The following COL23A1 variants were observed in gnomAD, a reference collection of about 807,000 sequenced individuals.
The protein encoded by COL23A1 is collagen alpha-1(XXIII) chain.
Under a neutral mutation model 99.3 loss-of-function variants are expected in COL23A1, and 97 were observed. That is an observed-to-expected ratio of 0.98 (90% confidence interval 0.83 to 1.16). The LOEUF is 1.16. Ranked by LOEUF, COL23A1 falls within the 50% of genes most tolerant of loss-of-function variation. The pLI, the probability that COL23A1 is intolerant of heterozygous loss-of-function variation, is 0.00. For synonymous variants in COL23A1, 320 were observed against 308.2 expected, an observed-to-expected ratio of 1.04 and a Z score of -0.40; for missense variants, 762 against 757.4, an observed-to-expected ratio of 1.01 and a Z score of -0.07.
chr5:178,252,420 G>T (rs918305842), intron 17 of COL23A1, 124 bp downstream of exon 17: 6 of 820,348 alleles, frequency 7.3e-6, no homozygotes, highest in South Asian at 6.1e-5. Flanking sequence ...CGTTCTCTGA[G>T]CTCCCGGAAG....
intron 5 of COL23A1, among the ~76,000 whole-genome samples, chr5:178,287,840 C>A (rs995975428): frequency 1.1e-4 from 17 of 152,246 alleles, no homozygotes; most frequent in Admixed American, 1.1e-3. Flanking sequence ...TTGGCCGGGG[C>A]TAGGACATCT....
chr5:178,252,041 G>A (rs906964150), intron 17 of COL23A1, among the ~76,000 whole-genome samples: 3 of 151,748 alleles, frequency 2.0e-5, no homozygotes, highest in Admixed American at 2.0e-4. Flanking sequence ...AGCCTCTCAA[G>A]TAGCTGGGAT....
Position 178,439,730 on chromosome 5 carries a change from T to C in COL23A1, c.361+120952A>G, listed in dbSNP as rs1370052645. The C allele has an allele frequency of 6.6e-6, 1 of 152,102 alleles. No individual in the cohort carries two copies. Among genetic ancestry groups the C allele is most frequent in the African/African-American group, 2.4e-5 (1 of 41,418 alleles). The allele number at this position is 152,102 out of a possible 1,614,324, so 9.4% of individuals were successfully genotyped here. On this transcript the variant is annotated intron_variant, in intron 2 of 28. Coordinates refer to ENST00000390654, the MANE Select transcript of COL23A1 (RefSeq NM_173465.4). The surrounding 1 kb of genome is among the most constrained non-coding windows in gnomAD (Gnocchi z 4.2). ...TCCCCGGGAGAAATGAAAACATACG[T>C]CCATACAACTCAGATGCAAATGCTC... is the stretch of plus-strand genomic sequence containing the variant.
chr5:178,565,984 C>A (rs755049229), intron 1 of COL23A1, among the ~76,000 whole-genome samples: 1 of 151,548 alleles, frequency 6.6e-6, no homozygotes, highest in Non-Finnish European at 1.5e-5. Context: ...AAAAATTAGC[C>A]GGGCGTAGTG....
At chr5:178,418,063 G>A (rs1179421558) in intron 2 of COL23A1, among the ~76,000 whole-genome samples, 1 of 152,230 alleles carries the variant, frequency 6.6e-6, no homozygotes, top group African/African-American at 2.4e-5. Context: ...CCCAGTGTCT[G>A]GAGGACTTGG....
At position 178,324,343 on chromosome 5, in the gene COL23A1, T is replaced by C. The variant is rs577286092; in HGVS notation, c.362-17424A>G. ...ATATTATTTTCTCTTTTACGAAATA[T>C]TTCCAGCCTCATGTGCTTTTCACCG... is the stretch of plus-strand genomic sequence containing the variant. On this transcript the variant is annotated intron_variant, in intron 2 of 28. Coordinates refer to ENST00000390654, the MANE Select transcript of COL23A1 (RefSeq NM_173465.4). Among the ~76,000 whole-genome samples, 3 of 152,324 alleles carry C rather than the reference T, an allele frequency of 2.0e-5. No individual in the cohort carries two copies. The East Asian group carries it at 5.8e-4, about 29-fold the overall frequency.
chr5:178,257,003 C>CG, intron 13 of COL23A1, 75 bp from the exon 14 acceptor site: 3 of 1,427,366 alleles, frequency 2.1e-6, no homozygotes, highest in Admixed American at 1.9e-5. Flanking sequence ...GGGCGTGCCT[C>CG]GGGGTTGCCT....
chr5:178,445,277 A>G (rs1767095290), intron 2 of COL23A1, among the ~76,000 whole-genome samples: 1 of 152,132 alleles, frequency 6.6e-6, no homozygotes, highest in Admixed American at 6.5e-5. Context: ...ATTATTTTTT[A>G]TACTGGGGTC....
In COL23A1 at chr5:178,590,005, C is replaced by G; in HGVS notation, c.193G>C (p.Val65Leu). 1 of 1,355,568 alleles carries G rather than the reference C, an allele frequency of 7.4e-7. No homozygotes were observed. Among genetic ancestry groups the G allele is most frequent in the Non-Finnish European group, 9.5e-7 (1 of 1,055,814 alleles). 84.0% of individuals were successfully genotyped at this position (1,355,568 alleles called of 1,614,324 possible). ...GVQAAALQGR[V>L]AALEEERELL... ...TCCCGCTCCTCCTCGAGCGCCGCCA[C>G]CCGGCCCTGCAGCGCGGCCGCCTGG... The change falls in exon 1 of 29, where the codon GTG becomes CTG. Residue 65 changes from valine (V) to leucine (L), a missense_variant. By Grantham distance (32) the Val-to-Leu change is conservative. Transcript: ENST00000390654. This position sits in a 1 kb window ranked among gnomAD's most constrained non-coding sequence, Gnocchi z 5.7.
Position 178,434,576 on chromosome 5 carries a change from C to T in COL23A1, c.361+126106G>A, listed in dbSNP as rs1478884748. On this transcript the variant is annotated intron_variant, in intron 2 of 28. Transcript: ENST00000390654. The surrounding 1 kb of genome is among the most constrained non-coding windows in gnomAD (Gnocchi z 4.3). ...GGCCTTCCCTGGGGCCTTCCACTGG[C>T]GCTCTTCCTGGGACCCCAGCTGGGC... is the stretch of plus-strand genomic sequence containing the variant. Among the ~76,000 whole-genome samples the T allele has an allele frequency of 1.3e-5, 2 of 152,250 alleles. No homozygotes were observed. Among genetic ancestry groups the T allele is most frequent in the Non-Finnish European group, 2.9e-5 (2 of 68,044 alleles).
In COL23A1 at chr5:178,430,750, G is replaced by A. The variant is rs1002953658; in HGVS notation, c.362-123831C>T. Reference sequence around the variant, plus strand: ...AATCCATTTGCTTGATTCAACACTAGTCACATTTTCTGAGTGCTGTGTCCC... The same window carrying A: ...AATCCATTTGCTTGATTCAACACTAATCACATTTTCTGAGTGCTGTGTCCC... On this transcript the variant is annotated intron_variant, in intron 2 of 28. Coordinates refer to ENST00000390654, the MANE Select transcript of COL23A1 (RefSeq NM_173465.4). 1.1e-4 allele frequency among the ~76,000 whole-genome samples: 16 copies of A among 152,162 alleles called. 1 individual carries two copies. The highest frequency in any genetic ancestry group is 5.2e-4 in the Admixed American group (8 of 15,288).
intron 2 of COL23A1, among the ~76,000 whole-genome samples, chr5:178,477,310 A>G (rs1207972360): frequency 6.6e-6 from 1 of 152,130 alleles, no homozygotes; most frequent in Non-Finnish European, 1.5e-5. Flanking sequence ...GGGTTTGGGG[A>G]AGGCATCAAC....
chr5:178,454,680 C>G (rs1767670116), intron 2 of COL23A1, among the ~76,000 whole-genome samples: 1 of 152,252 alleles, frequency 6.6e-6, no homozygotes. Context: ...CACAAGATAA[C>G]CACAGGCCCC....
chr5:178,459,578 G>A (rs13179262), intron 2 of COL23A1, among the ~76,000 whole-genome samples: 67,991 of 151,982 alleles, frequency 0.45, 16,176 homozygotes, highest in Admixed American at 0.58. Flanking sequence ...CCTGGACAAC[G>A]TGGTGAAACC....
At chr5:178,538,384 GA>G (rs1425319507) in intron 2 of COL23A1, among the ~76,000 whole-genome samples, 1 of 152,160 alleles carries the variant, frequency 6.6e-6, no homozygotes, top group East Asian at 1.9e-4. Context: ...GTAGAAAAAT[GA>G]AATTTAAATA....
chr5:178,317,440 C>T (rs1305635678), intron 2 of COL23A1, among the ~76,000 whole-genome samples: 1 of 152,224 alleles, frequency 6.6e-6, no homozygotes, highest in African/African-American at 2.4e-5. Flanking sequence ...TTGTTAGATT[C>T]AGTGAGTCCT....
intron 2 of COL23A1, among the ~76,000 whole-genome samples, chr5:178,515,334 G>A (rs182243059): frequency 2.0e-4 from 30 of 152,354 alleles, no homozygotes; most frequent in Non-Finnish European, 3.1e-4. Context: ...AGGAAGCGGT[G>A]AGTGTTGGGT....
intron 2 of COL23A1, among the ~76,000 whole-genome samples, chr5:178,321,569 A>G (rs1759314147): frequency 7.0e-6 from 1 of 142,602 alleles, no homozygotes; most frequent in Non-Finnish European, 1.5e-5. Context: ...GGCTCACTGC[A>G]AGCTCCGCCT....
chr5:178,571,086 G>C (rs115707024), intron 1 of COL23A1, among the ~76,000 whole-genome samples: 1 of 152,098 alleles, frequency 6.6e-6, no homozygotes, highest in African/African-American at 2.4e-5. Flanking sequence ...GAGAGGCATG[G>C]CACTGTGGTT....
Sources: gnomAD v4.1 joint callset for allele counts (sites outside exome capture counted in the v4.1 genomes callset) on GRCh38, gnomAD v4.1.1 for gene constraint, Gnocchi (gnomAD v3.1) non-coding constraint, MANE v1.5 for transcripts, NCBI Gene and HGNC (gene_info 2026-07-23, HGNC 2026-07-21) for gene names.